Variants in FAM120B observed in about 807,000 individuals in gnomAD.
FAM120B encodes family with sequence similarity 120 member B.
In FAM120B, 83 loss-of-function variants were observed where a neutral mutation model predicts 96.3. The observed-to-expected ratio is 0.86, with a 90% CI of 0.72 to 1.03. The LOEUF (loss-of-function observed/expected upper bound fraction) is 1.03, where lower values mean the gene tolerates loss of function less well. Ranked by LOEUF, FAM120B falls within the 50% of genes least tolerant of loss-of-function variation. The pLI, the probability that FAM120B is intolerant of heterozygous loss-of-function variation, is 0.00. For missense variants in FAM120B, 1,027 were observed against 1,121.2 expected, an observed-to-expected ratio of 0.92 and a Z score of 1.20; for synonymous variants, 407 against 402.7, an observed-to-expected ratio of 1.01 and a Z score of -0.13.
At chr6:170,297,146 C>T (rs776511680) in intron 1 of FAM120B, among the ~76,000 whole-genome samples, 1 of 152,234 alleles carries the variant, frequency 6.6e-6, no homozygotes, top group Non-Finnish European at 1.5e-5. Flanking sequence ...TGGAGTGGCC[C>T]CTGGGCCTGT....
At position 170,318,943 on chromosome 6, in the gene FAM120B, A is replaced by G. The variant is rs1157488039; in HGVS notation, c.1553A>G (p.Gln518Arg). Residue 518 changes from glutamine (Q) to arginine (R), a missense_variant, in exon 2 of 11, where the codon CAA (glutamine) becomes CGA (arginine). Around this residue, in one of 3 missense-constraint regions of FAM120B, gnomAD observed 880 missense variants for 980.9 expected, o/e 0.90. Transcript: ENST00000476287. Reference protein sequence around the residue: ...VPICTDPISKQEDSMCTHAEI... With the variant: ...VPICTDPISKREDSMCTHAEI... The stretch of plus-strand genomic sequence containing the variant: ...ATATGTACAGATCCTATATCCAAGC[A>G]AGAAGACTCCATGTGTACACACGCT... 6.2e-7 allele frequency: 1 copy of G among 1,614,216 alleles called. No homozygotes were observed.
chr6:170,339,955 C>T (rs969097929), intron 4 of FAM120B, among the ~76,000 whole-genome samples: 4 of 152,026 alleles, frequency 2.6e-5, no homozygotes, highest in Non-Finnish European at 4.4e-5. Flanking sequence ...GAGAATCTGA[C>T]AATTAGGTGT....
At chr6:170,367,810 C>T (rs1788897889) in intron 6 of FAM120B, among the ~76,000 whole-genome samples, 1 of 152,150 alleles carries the variant, frequency 6.6e-6, no homozygotes, top group South Asian at 2.1e-4. Context: ...TGGCATTGGT[C>T]CTTATAAAGG....
At chr6:170,358,151 A>G (rs1439553819) in intron 5 of FAM120B, 75 bp from the exon 6 acceptor site, 2 of 1,292,504 alleles carry the variant, frequency 1.5e-6, no homozygotes, top group African/African-American at 1.5e-5. Context: ...CTCATAGTTA[A>G]TAACTGAGAT....
chr6:170,396,696 C>G (rs1040883636), intron 9 of FAM120B, among the ~76,000 whole-genome samples: 8 of 152,220 alleles, frequency 5.3e-5, no homozygotes, highest in South Asian at 2.1e-4. Context: ...GTCACTTCCA[C>G]TTCGTCACTA....
intron 4 of FAM120B, among the ~76,000 whole-genome samples, chr6:170,345,662 G>A (rs1787131185): frequency 6.6e-6 from 1 of 152,212 alleles, no homozygotes; most frequent in African/African-American, 2.4e-5. Flanking sequence ...AAAAATGTTG[G>A]TAAACAATTG....
At chr6:170,327,547 GGTGAGTCCATGA>G (rs1785677786) in intron 3 of FAM120B, among the ~76,000 whole-genome samples, 5 of 152,006 alleles carry the variant, frequency 3.3e-5, no homozygotes, top group Admixed American at 3.3e-4. Context: ...AGGCTGCTCC[GGTGAGTCCATGA>G]GTGAGTGGGG....
chr6:170,292,105 G>A (rs973869083), upstream of FAM120B, among the ~76,000 whole-genome samples: 1 of 152,196 alleles, frequency 6.6e-6, no homozygotes, highest in African/African-American at 2.4e-5. The surrounding 1 kb of genome is among the most constrained non-coding windows in gnomAD (Gnocchi z 6.6). Flanking sequence ...CCCTCCGCGC[G>A]CGCCGCGGCC....
intron 7 of FAM120B, 27 bp from the exon 8 acceptor site, chr6:170,390,986 T>C: frequency 6.3e-7 from 1 of 1,599,716 alleles, no homozygotes; most frequent in Non-Finnish European, 8.6e-7. Context: ...GCCCCTCACA[T>C]CTCATTTGCA....
chr6:170,400,613 C>T (rs180686253), intron 9 of FAM120B, among the ~76,000 whole-genome samples: 113 of 152,306 alleles, frequency 7.4e-4, no homozygotes, highest in African/African-American at 2.6e-3. Context: ...ACGGCACCTC[C>T]ACAGCACCAG....
At chr6:170,302,448 A>G (rs990325069), upstream of FAM120B, among the ~76,000 whole-genome samples, 8 of 152,226 alleles carry the variant, frequency 5.3e-5, no homozygotes, top group African/African-American at 1.9e-4. Context: ...TCATTGCCCA[A>G]ATAAAATCTT....
intron 6 of FAM120B, among the ~76,000 whole-genome samples, chr6:170,359,335 G>A (rs899873407): frequency 4.0e-5 from 6 of 151,578 alleles, no homozygotes; most frequent in Non-Finnish European, 8.8e-5. Context: ...AGAGGTTGAT[G>A]TGAGCTGAGA....
intron 1 of FAM120B, among the ~76,000 whole-genome samples, chr6:170,299,182 GGTTT>G (rs1208916439): frequency 6.6e-6 from 1 of 152,092 alleles, no homozygotes; most frequent in Non-Finnish European, 1.5e-5. Context: ...TTTGTGGGAA[GGTTT>G]TTTTTATTGT....
At chr6:170,382,103 A>G (rs1253380495) in intron 6 of FAM120B, among the ~76,000 whole-genome samples, 1 of 152,172 alleles carries the variant, frequency 6.6e-6, no homozygotes, top group Non-Finnish European at 1.5e-5. Context: ...CTCTAAATAA[A>G]AAATCCCAAG....
intron 5 of FAM120B, among the ~76,000 whole-genome samples, chr6:170,356,558 T>C (rs1787965964): frequency 6.6e-6 from 1 of 152,172 alleles, no homozygotes; most frequent in African/African-American, 2.4e-5. Context: ...ATGTGAGGGA[T>C]TGGTCCCAGG....
At chr6:170,378,066 C>T (rs1267183714) in intron 6 of FAM120B, among the ~76,000 whole-genome samples, 1 of 152,162 alleles carries the variant, frequency 6.6e-6, no homozygotes, top group Non-Finnish European at 1.5e-5. Context: ...ATGTTTGTTT[C>T]TTGGTTTAGA....
chr6:170,303,778 A>G (rs1197714685), upstream of FAM120B, among the ~76,000 whole-genome samples: 1 of 152,236 alleles, frequency 6.6e-6, no homozygotes, highest in South Asian at 2.1e-4. Context: ...TTATAATTAC[A>G]TATTTATTCA....
chr6:170,302,464 C>A (rs1399464137), upstream of FAM120B, among the ~76,000 whole-genome samples: 1 of 152,210 alleles, frequency 6.6e-6, no homozygotes, highest in African/African-American at 2.4e-5. Flanking sequence ...ATCTTGAGCT[C>A]ATGTGGTTGT....
chr6:170,319,064 A>G lies in FAM120B; in HGVS notation c.1674A>G (p.Thr558=), dbSNP rs1302254737. The change falls in exon 2 of 11, where the codon ACA becomes ACG. Residue 558 remains threonine (T), a synonymous_variant. Transcript: ENST00000476287. ...CTGAAATTAAACAAGAAGACCCCAC[A>G]AATGTGGGGCCTGAAGTAAAGCAAC... ...TNPEIKQEDP[T]NVGPEVKQQV... 10 of 1,598,130 alleles carry G rather than the reference A, an allele frequency of 6.3e-6. No individual in the cohort carries two copies. The highest frequency in any genetic ancestry group is 2.7e-5 in the African/African-American group (2 of 74,036).
Sources: allele counts gnomAD v4.1 joint callset (sites outside exome capture counted in the v4.1 genomes callset), GRCh38; gene constraint gnomAD v4.1.1; regional missense constraint gnomAD v4.1.1; non-coding constraint Gnocchi (gnomAD v3.1); transcripts MANE v1.5; gene names NCBI Gene and HGNC (gene_info 2026-07-23, HGNC 2026-07-21).